Variants in CHD5 observed in about 807,000 individuals in gnomAD.
CHD5 encodes ATP-dependent chromatin remodeler CHD5.
In CHD5, 69 loss-of-function variants were observed where a neutral mutation model predicts 230.3. The observed-to-expected ratio is 0.30, with a 90% confidence interval of 0.25 to 0.37. CHD5 has a LOEUF of 0.37. Ranked by LOEUF, CHD5 falls within the 10% of genes least tolerant of loss-of-function variation. The pLI is 1.00. For synonymous variants in CHD5, 1,064 were observed against 1,065.9 expected (o/e 1.00, Z 0.03); for missense variants, 1,827 against 2,622.8 (o/e 0.70, Z 6.63).
At chr1:6,110,581 G>C (rs1245158584) in intron 36 of CHD5, 55 bp from the exon 37 acceptor site, 2 of 1,585,730 alleles carry the variant, frequency 1.3e-6, no homozygotes, top group African/African-American at 2.7e-5. Context: ...TGGGGCCGTA[G>C]GGGGAGGCAG....
chr1:6,131,765 C>T lies in CHD5; in HGVS notation c.3145-17G>A. On this transcript the variant is annotated splice_polypyrimidine_tract_variant and intron_variant, in intron 20 of 41. Transcript: ENST00000262450. This position sits in a 1 kb window ranked among gnomAD's most constrained non-coding sequence, Gnocchi z 5.0. ...CTTGGTCATCTGCAGGGGAGACGGG[C>T]ACGTGAGGAACTGCCAAGGAGCAAG... 1 of 1,558,656 alleles carries T rather than the reference C, an allele frequency of 6.4e-7. No individual in the cohort carries two copies. Among genetic ancestry groups the T allele is most frequent in the East Asian group, 2.2e-5 (1 of 44,520 alleles).
chr1:6,113,339 G>A (rs1336379278), intron 33 of CHD5: 7 of 443,460 alleles, frequency 1.6e-5, no homozygotes, highest in South Asian at 8.1e-5. Flanking sequence ...TGGGAGGGTC[G>A]CTTGAGCCGA....
intron 1 of CHD5, among the ~76,000 whole-genome samples, chr1:6,169,138 T>C (rs987230593): frequency 2.0e-5 from 3 of 151,998 alleles, no homozygotes; most frequent in Non-Finnish European, 2.9e-5. Context: ...GGATACCCCA[T>C]GGGTTTGAGA....
At chr1:6,139,062 C>T (rs983036836) in intron 15 of CHD5, among the ~76,000 whole-genome samples, 2 of 152,166 alleles carry the variant, frequency 1.3e-5, no homozygotes, top group Admixed American at 6.5e-5. Context: ...GAGTAGTCAA[C>T]CTCGTGGAGA....
rs1460799098 is a variant in CHD5, at chr1:6,177,750, G to C, written c.79+2195C>G. On this transcript the variant is annotated intron_variant, in intron 1 of 41. Transcript: ENST00000262450. Reference sequence around the variant, plus strand: ...GACCAGGAGGCAGCGGTGAGCAGAGGAAAGAGCAGGTCAGGCAGAGGTCAC... The same window carrying C: ...GACCAGGAGGCAGCGGTGAGCAGAGCAAAGAGCAGGTCAGGCAGAGGTCAC... Among the ~76,000 whole-genome samples the C allele has an allele frequency of 2.6e-5, 4 of 152,234 alleles. No homozygotes were observed. The East Asian group carries it at 7.7e-4, about 29-fold the overall frequency.
Position 6,144,068 on chromosome 1 carries a change from G to T in CHD5, c.1890C>A (p.Asp630Glu). 1 of 1,614,208 alleles carries T rather than the reference G, an allele frequency of 6.2e-7. No homozygotes were observed. Reference protein sequence around the residue: ...DQCTWEIDDIDIPYYDNLKQA... With the variant: ...DQCTWEIDDIEIPYYDNLKQA... ...GCTTGAGGTTGTCGTAGTAGGGGATGTCGATGTCATCGATCTCCCAGGTGC... is the reference window on the plus strand; with the variant it reads ...GCTTGAGGTTGTCGTAGTAGGGGATTTCGATGTCATCGATCTCCCAGGTGC... The change falls in exon 12 of 42, where the codon GAC becomes GAA. Residue 630 changes from aspartate to glutamate, a missense_variant. Physicochemically the swap from Asp to Glu is conservative, Grantham distance 45 (BLOSUM62 2). Transcript: ENST00000262450.
chr1:6,179,596 G>A, intron 1 of CHD5, among the ~76,000 whole-genome samples: 1 of 150,898 alleles, frequency 6.6e-6, no homozygotes, highest in Non-Finnish European at 1.5e-5. Flanking sequence ...GGGAGCTAGC[G>A]CGATTCCCGC....
intron 31 of CHD5, among the ~76,000 whole-genome samples, 186 bp downstream of exon 31, chr1:6,123,762 T>C (rs777760285): frequency 1.3e-5 from 2 of 152,134 alleles, no homozygotes; most frequent in African/African-American, 2.4e-5. Flanking sequence ...GCAGTATGTA[T>C]ATAAATTATA....
chr1:6,164,331 G>T (rs1468004745), intron 2 of CHD5, among the ~76,000 whole-genome samples: 1 of 152,228 alleles, frequency 6.6e-6, no homozygotes, highest in African/African-American at 2.4e-5. Context: ...TCCCATTCAC[G>T]AGTGTTATAA....
rs899850208 is a variant in CHD5 at position 6,129,294 on chromosome 1, T to A, written c.3388-225A>T. ...CAGGCTGGGTTTGGAGTGGAAAAGC[T>A]TCTAGCCATTGGAAGCAGGCAGGAC... On this transcript the variant is annotated intron_variant, in intron 22 of 41. Transcript: ENST00000262450. This position sits in a 1 kb window ranked among gnomAD's most constrained non-coding sequence, Gnocchi z 6.8. Among the ~76,000 whole-genome samples, 1 of 152,162 alleles carries A rather than the reference T, an allele frequency of 6.6e-6. No homozygotes were observed. Among genetic ancestry groups the A allele is most frequent in the African/African-American group, 2.4e-5 (1 of 41,428 alleles).
intron 1 of CHD5, among the ~76,000 whole-genome samples, chr1:6,170,191 C>A (rs913598051): frequency 6.6e-6 from 1 of 152,108 alleles, no homozygotes; most frequent in African/African-American, 2.4e-5. Flanking sequence ...GGCTTCGAGG[C>A]GACCCCCAGT....
chr1:6,175,814 C>T (rs1667418213), intron 1 of CHD5, among the ~76,000 whole-genome samples: 1 of 134,452 alleles, frequency 7.4e-6, no homozygotes, highest in African/African-American at 2.9e-5. Context: ...CAGGTAGATA[C>T]ATGGATACAT....
At position 6,129,203 on chromosome 1, in the gene CHD5, G is replaced by A. The variant is rs527406402; in HGVS notation, c.3388-134C>T. 2,011 of 644,562 alleles carry A rather than the reference G, an allele frequency of 3.1e-3. 3 individuals are homozygous for A. The highest frequency in any genetic ancestry group is 3.9e-3 in the Non-Finnish European group (1,447 of 369,762). The allele number at this position is 644,562 out of a possible 1,614,324, so 39.9% of individuals were successfully genotyped here. A position where few individuals can be genotyped will look rare whatever the true frequency, so the allele number is the denominator to read the frequency against. Reference sequence around the variant, plus strand: ...GGAAAGGCGTGTGGTGCGTCCAGGTGTGTGGAGCCCACCACTGCAGCTGGG... The same window carrying A: ...GGAAAGGCGTGTGGTGCGTCCAGGTATGTGGAGCCCACCACTGCAGCTGGG... On this transcript the variant is annotated intron_variant, in intron 22 of 41. Transcript: ENST00000262450. The surrounding 1 kb of genome is among the most constrained non-coding windows in gnomAD (Gnocchi z 6.8).
intron 33 of CHD5, among the ~76,000 whole-genome samples, chr1:6,114,652 A>T (rs112442876): frequency 1.1e-3 from 166 of 152,276 alleles, no homozygotes; most frequent in African/African-American, 3.5e-3. Flanking sequence ...ACAGGTTGAA[A>T]AAGCTTGCTC....
At chr1:6,175,621 A>C (rs1398415159) in intron 1 of CHD5, among the ~76,000 whole-genome samples, 1 of 151,474 alleles carries the variant, frequency 6.6e-6, no homozygotes, top group Non-Finnish European at 1.5e-5. Flanking sequence ...GGATGAATGA[A>C]TGGTGGGAAG....
Position 6,128,318 on chromosome 1 carries a change from C to A in CHD5, c.3731-100G>T. 7.9e-7 allele frequency: 1 copy of A among 1,265,168 alleles called. No individual in the cohort carries two copies. The highest frequency in any genetic ancestry group is 1.4e-5 in the South Asian group (1 of 73,578). The allele number at this position is 1,265,168 out of a possible 1,614,324, so 78.4% of individuals were successfully genotyped here. On this transcript the variant is annotated intron_variant, in intron 24 of 41. Coordinates refer to ENST00000262450, the MANE Select transcript of CHD5 (RefSeq NM_015557.3). The surrounding 1 kb of genome is among the most constrained non-coding windows in gnomAD (Gnocchi z 7.8). ...CAACAATGGCCCTTCCCATCCCCAG[C>A]AGGGGCTGCAGCTGAGAGGCATGGT...
rs563135814 is a variant in CHD5, at chr1:6,123,929, G to A, written c.4699+19C>T. The A allele has an allele frequency of 1.2e-5, 17 of 1,432,208 alleles. No homozygotes were observed. Among genetic ancestry groups the A allele is most frequent in the East Asian group, 2.8e-5 (1 of 36,054 alleles). 88.7% of individuals were successfully genotyped at this position (1,432,208 alleles called of 1,614,324 possible). On this transcript the variant is annotated intron_variant, in intron 31 of 41. Coordinates refer to ENST00000262450, the MANE Select transcript of CHD5 (RefSeq NM_015557.3). ...TTCCATGACCCCAGTGCCCTCCCCG[G>A]CCCGCCCAGCCCACAGACCTGGCAG...
chr1:6,111,999 G>T, intron 35 of CHD5, 116 bp from the exon 36 acceptor site: 1 of 1,371,840 alleles, frequency 7.3e-7, no homozygotes, highest in Non-Finnish European at 1.0e-6. Flanking sequence ...GAGGTCCAGT[G>T]TTCCAGGGTG....
rs1666551485 is a variant in CHD5, at chr1:6,126,058, C to T, written c.4079-200G>A. On this transcript the variant is annotated intron_variant, in intron 26 of 41. Transcript: ENST00000262450. The surrounding 1 kb of genome is among the most constrained non-coding windows in gnomAD (Gnocchi z 5.7). Reference sequence around the variant, plus strand: ...TATACACTAAGGGTACCATGTGTACCCACACATTACACATACTGTGTGCAA... The same window carrying T: ...TATACACTAAGGGTACCATGTGTACTCACACATTACACATACTGTGTGCAA... Among the ~76,000 whole-genome samples, 1 of 152,120 alleles carries T rather than the reference C, an allele frequency of 6.6e-6. No homozygotes were observed. Among genetic ancestry groups the T allele is most frequent in the Non-Finnish European group, 1.5e-5 (1 of 68,036 alleles).
Sources: gnomAD v4.1 joint callset for allele counts (sites outside exome capture counted in the v4.1 genomes callset) on GRCh38, gnomAD v4.1.1 for gene constraint, Gnocchi (gnomAD v3.1) non-coding constraint, MANE v1.5 for transcripts, NCBI Gene and HGNC (gene_info 2026-07-23, HGNC 2026-07-21) for gene names.